Variants in DGKI observed in about 807,000 individuals in gnomAD.
DGKI encodes the protein DAG kinase iota.
DGKI carries 55 observed loss-of-function variants against 147.5 expected under a neutral mutation model. That is an observed-to-expected ratio of 0.37 (90% CI 0.30 to 0.47). The LOEUF (loss-of-function observed/expected upper bound fraction) is 0.47, where lower values mean the gene tolerates loss of function less well. Ranked by LOEUF, DGKI falls within the 20% of genes least tolerant of loss-of-function variation. The pLI, the probability that DGKI is intolerant of heterozygous loss-of-function variation, is 1.00. For synonymous variants in DGKI, 469 were observed against 477.1 expected (o/e 0.98, Z 0.22); for missense variants, 1,007 against 1,323.8 (o/e 0.76, Z 3.71).
At chr7:137,714,331 A>G (rs1206052708) in intron 1 of DGKI, among the ~76,000 whole-genome samples, 2 of 152,252 alleles carry the variant, frequency 1.3e-5, no homozygotes, top group Non-Finnish European at 2.9e-5. Flanking sequence ...GCTTTTAAAT[A>G]CATACTTTAA....
chr7:137,676,918 T>A (rs535595521), intron 3 of DGKI, among the ~76,000 whole-genome samples: 38 of 152,300 alleles, frequency 2.5e-4, no homozygotes, highest in African/African-American at 7.9e-4. Flanking sequence ...AATTTGGAAA[T>A]AAGGGATGAC....
chr7:137,801,029 C>G (rs1023338770), intron 1 of DGKI, among the ~76,000 whole-genome samples: 15 of 152,246 alleles, frequency 9.9e-5, no homozygotes, highest in African/African-American at 3.6e-4. Context: ...GATCTAAGTG[C>G]TGATGCCCTT....
intron 24 of DGKI, among the ~76,000 whole-genome samples, chr7:137,467,309 C>A (rs1408413722): frequency 6.6e-6 from 1 of 152,222 alleles, no homozygotes; most frequent in Non-Finnish European, 1.5e-5. Flanking sequence ...AGACTATCTT[C>A]ACAGATAACC....
chr7:137,662,344 C>T (rs566564128), intron 3 of DGKI, among the ~76,000 whole-genome samples: 6 of 151,218 alleles, frequency 4.0e-5, no homozygotes, highest in South Asian at 4.2e-4. Context: ...CCCGGGTTCA[C>T]GCCATTCTCC....
intron 30 of DGKI, among the ~76,000 whole-genome samples, chr7:137,405,092 CCAGGACTCATCATTCATGTCCCTGGGGCA>C (rs963294228): frequency 2.3e-4 from 35 of 152,020 alleles, no homozygotes; most frequent in African/African-American, 4.1e-4. Context: ...TGATATCATC[CCAGGACTCATCATTCATGTCCCTGGGGCA>C]CAGGACTCAT....
chr7:137,730,617 C>A (rs1794849691), intron 1 of DGKI, among the ~76,000 whole-genome samples: 1 of 152,080 alleles, frequency 6.6e-6, no homozygotes, highest in Non-Finnish European at 1.5e-5. Flanking sequence ...ACTCAGGTAT[C>A]AGTGACATAC....
intron 28 of DGKI, among the ~76,000 whole-genome samples, chr7:137,415,138 G>A (rs1731962): frequency 0.94 from 142,712 of 152,168 alleles, 67,586 homozygotes; most frequent in East Asian, 1. Context: ...AGCCAAGGAT[G>A]TGGTGTTTAT....
intron 19 of DGKI, among the ~76,000 whole-genome samples, chr7:137,569,956 T>C (rs1385042749): frequency 6.6e-6 from 1 of 151,872 alleles, no homozygotes; most frequent in East Asian, 1.9e-4. Flanking sequence ...TAGAGATGAG[T>C]TAACAAGGGC....
At position 137,562,551 on chromosome 7, in the gene DGKI, G is replaced by A. The variant is rs576688280; in HGVS notation, c.1947+8624C>T. Reference sequence around the variant, plus strand: ...ACTCCATATCAAAAAATAAAAAAGAGCATAAGGTAAGAAAGAGAAGAAGGA... The same window carrying A: ...ACTCCATATCAAAAAATAAAAAAGAACATAAGGTAAGAAAGAGAAGAAGGA... On this transcript the variant is annotated intron_variant, in intron 19 of 32. Coordinates refer to ENST00000614521, the MANE Select transcript of DGKI (RefSeq NM_001321708.2). Among the ~76,000 whole-genome samples the A allele has an allele frequency of 2.2e-4, 33 of 152,116 alleles. 1 individual carries two copies. In the East Asian group the frequency reaches 5.8e-3, roughly 27 times the overall value.
intron 19 of DGKI, among the ~76,000 whole-genome samples, chr7:137,565,694 T>C (rs1182564211): frequency 6.6e-6 from 1 of 152,118 alleles, no homozygotes; most frequent in Admixed American, 6.5e-5. Context: ...TCTTGAGAAG[T>C]TTAAATTACT....
chr7:137,600,267 T>A (rs1819943247), intron 10 of DGKI, among the ~76,000 whole-genome samples: 1 of 151,802 alleles, frequency 6.6e-6, no homozygotes, highest in Admixed American at 6.6e-5. Flanking sequence ...AATAAGTGAG[T>A]GAATGAATGA....
At position 137,521,970 on chromosome 7, in the gene DGKI, C is replaced by A. The variant is rs886817433; in HGVS notation, c.2148-4G>T. ...ACGATCTGGGACAGACTGGGGACTG[C>A]AAAACAAGAACCGAGTGGTCAGATA... On this transcript the variant is annotated splice_region_variant and splice_polypyrimidine_tract_variant and intron_variant, in intron 20 of 32. Transcript: ENST00000614521. 2.1e-5 allele frequency: 34 copies of A among 1,606,850 alleles called. No individual in the cohort carries two copies. The highest frequency in any genetic ancestry group is 2.2e-5 in the Non-Finnish European group (26 of 1,176,022).
chr7:137,811,345 T>TTCTC (rs1172653415), intron 1 of DGKI, among the ~76,000 whole-genome samples: 5 of 71,874 alleles, frequency 7.0e-5, no homozygotes, highest in African/African-American at 4.8e-5. Flanking sequence ...CTGTCTCTCT[T>TTCTC]TCTCTCTCTC....
At chr7:137,442,190 C>T (rs1813536897) in intron 28 of DGKI, among the ~76,000 whole-genome samples, 1 of 151,972 alleles carries the variant, frequency 6.6e-6, no homozygotes, top group African/African-American at 2.4e-5. Flanking sequence ...ATTATAATGG[C>T]CCTCTAATTT....
intron 28 of DGKI, among the ~76,000 whole-genome samples, chr7:137,415,377 C>T (rs181781081): frequency 1.8e-4 from 28 of 152,132 alleles, no homozygotes; most frequent in African/African-American, 3.4e-4. Context: ...AATCTAAAGA[C>T]GACTTGAAGT....
intron 1 of DGKI, among the ~76,000 whole-genome samples, chr7:137,713,869 C>T (rs1438291875): frequency 1.3e-5 from 2 of 152,118 alleles, no homozygotes; most frequent in Non-Finnish European, 2.9e-5. Context: ...AAACTCCTGG[C>T]CTCAACTTAT....
intron 1 of DGKI, among the ~76,000 whole-genome samples, chr7:137,790,268 ACACT>A (rs1468449390): frequency 6.7e-6 from 1 of 149,736 alleles, no homozygotes; most frequent in African/African-American, 2.5e-5. Flanking sequence ...ACACACACAC[ACACT>A]GGAACCACTC....
chr7:137,844,624 T>C (rs1456447529), intron 1 of DGKI, among the ~76,000 whole-genome samples: 4 of 152,210 alleles, frequency 2.6e-5, no homozygotes, highest in African/African-American at 9.6e-5. Flanking sequence ...CGCAATGTTA[T>C]TATTCTTCTA....
chr7:137,725,359 TCA>T (rs1794689317), intron 1 of DGKI, among the ~76,000 whole-genome samples: 1 of 152,094 alleles, frequency 6.6e-6, no homozygotes, highest in Admixed American at 6.6e-5. Flanking sequence ...TGACAAAGGG[TCA>T]AAATAACCAG....
Sources: gnomAD v4.1 joint callset for allele counts (sites outside exome capture counted in the v4.1 genomes callset) on GRCh38, gnomAD v4.1.1 for gene constraint, MANE v1.5 for transcripts, NCBI Gene and HGNC (gene_info 2026-07-23, HGNC 2026-07-21) for gene names.